Variants in DOCK6 observed in about 807,000 individuals in gnomAD.
The protein encoded by DOCK6 is dedicator of cytokinesis protein 6.
Under a neutral mutation model 230.3 loss-of-function variants are expected in DOCK6, and 167 were observed. The ratio of observed to expected loss-of-function variants is 0.73; its 90% CI spans 0.64 to 0.82. DOCK6 has a LOEUF of 0.82. Among genes scored for constraint, DOCK6 ranks in the 40% least tolerant of loss-of-function variants. The pLI, the probability that DOCK6 is intolerant of heterozygous loss-of-function variation, is 0.00. For missense variants in DOCK6, 2,598 were observed against 2,825.8 expected, an observed-to-expected ratio of 0.92 and a Z score of 1.83; for synonymous variants, 1,148 against 1,185.0, an observed-to-expected ratio of 0.97 and a Z score of 0.64.
chr19:11,246,945 G>A (rs971459600), intron 7 of DOCK6, among the ~76,000 whole-genome samples: 1 of 151,942 alleles, frequency 6.6e-6, no homozygotes, highest in African/African-American at 2.4e-5. Context: ...CCATGTACAC[G>A]TCCCCCTGCA....
Position 11,202,672 on chromosome 19 carries a change from C to T in DOCK6, c.5273G>A (p.Gly1758Asp). 1 of 1,613,990 alleles carries T rather than the reference C, an allele frequency of 6.2e-7. No individual in the cohort carries two copies. The highest frequency in any genetic ancestry group is 1.1e-5 in the South Asian group (1 of 91,082). Residue 1758 changes from glycine to aspartate, a missense_variant, in exon 42 of 48, where the codon GGC becomes GAC. Transcript: ENST00000294618. This position sits in a 1 kb window ranked among gnomAD's most constrained non-coding sequence, Gnocchi z 5.3. ...FGTYFRVGFY[G>D]AHFGDLDEQE... Reference sequence around the variant, plus strand: ...CTCATCCAGGTCACCGAAGTGGGCGCCGTAGAAGCCCACGCGGAAATACGT... The same window carrying T: ...CTCATCCAGGTCACCGAAGTGGGCGTCGTAGAAGCCCACGCGGAAATACGT...
Position 11,209,302 on chromosome 19 carries a change from G to A in DOCK6, c.4752-199C>T, listed in dbSNP as rs11878417. The stretch of plus-strand genomic sequence containing the variant: ...TATCTCCCCACCTGTCTTCCCCTTC[G>A]CCTATTTTCTTACCTGCTGGCCAGT... On this transcript the variant is annotated intron_variant, in intron 37 of 47. Transcript: ENST00000294618. Among the ~76,000 whole-genome samples, 83,074 of 149,080 alleles carry A rather than the reference G, an allele frequency of 0.56. 23,496 individuals carry two copies. The highest frequency in any genetic ancestry group is 0.65 in the East Asian group (3,259 of 4,984).
intron 9 of DOCK6, among the ~76,000 whole-genome samples, chr19:11,244,832 G>A (rs555152352): frequency 2.1e-3 from 322 of 151,918 alleles, no homozygotes; most frequent in African/African-American, 7.6e-3. Flanking sequence ...GGGCTAAAGC[G>A]ATCCTCCCGC....
Position 11,229,033 on chromosome 19 carries a change from C to T in DOCK6, c.2721G>A (p.Leu907=), listed in dbSNP as rs765696619. The T allele has an allele frequency of 3.1e-6, 5 of 1,613,252 alleles. No individual in the cohort carries two copies. In the South Asian group the frequency reaches 3.3e-5, roughly 11 times the overall value. ...ACTGCAGAGCCAGCTCCTCGTGAAG[C>T]AGCTGGGGACAGAGGCAGGGGTCAC... ...DEVSRILASK[L]LHEELALQWV... Residue 907 remains leucine (L), a splice_region_variant and synonymous_variant, in exon 23 of 48, where the codon CTG becomes CTA. Coordinates refer to ENST00000294618, the MANE Select transcript of DOCK6 (RefSeq NM_020812.4).
chr19:11,235,087 C>T (rs565010967), intron 21 of DOCK6, among the ~76,000 whole-genome samples: 22 of 152,166 alleles, frequency 1.4e-4, no homozygotes, highest in East Asian at 1.4e-3. Context: ...GGGCTACAGG[C>T]GTGCGCCACC....
At chr19:11,253,530 C>A in intron 2 of DOCK6, 109 bp downstream of exon 2, 1 of 703,000 alleles carries the variant, frequency 1.4e-6, no homozygotes, top group Non-Finnish European at 2.1e-6. Flanking sequence ...GGTTTCCCCC[C>A]AGGACAGGCC....
chr19:11,209,197 A>G, intron 37 of DOCK6, 94 bp from the exon 38 acceptor site: 1 of 1,442,590 alleles, frequency 6.9e-7, no homozygotes, highest in East Asian at 2.5e-5. Context: ...GGTTACCCCC[A>G]TGTCCGCCCC....
chr19:11,211,893 T>A lies in DOCK6; in HGVS notation c.4651-17A>T. ...GTCCTGGACCTGGAGCCGGGGAACG[T>A]CCAGGGGCCAATGAGAGCATTAGGA... On this transcript the variant is annotated splice_polypyrimidine_tract_variant and intron_variant, in intron 36 of 47. Transcript: ENST00000294618. The A allele has an allele frequency of 6.5e-7, 1 of 1,540,274 alleles. No individual in the cohort carries two copies. The highest frequency in any genetic ancestry group is 8.8e-7 in the Non-Finnish European group (1 of 1,140,408).
intron 24 of DOCK6, 125 bp downstream of exon 24, chr19:11,227,212 C>G: frequency 1.5e-6 from 2 of 1,314,814 alleles, no homozygotes; most frequent in Non-Finnish European, 1.0e-6. Context: ...ATGAACGGAT[C>G]CACCCAGCAA....
chr19:11,255,810 G>A (rs571860773), intron 1 of DOCK6, among the ~76,000 whole-genome samples: 2 of 151,628 alleles, frequency 1.3e-5, no homozygotes, highest in South Asian at 4.2e-4. Context: ...TTTTTGAGAC[G>A]GAGTCTCGAT....
intron 35 of DOCK6, among the ~76,000 whole-genome samples, chr19:11,212,713 C>T (rs2079411043): frequency 6.6e-6 from 1 of 151,416 alleles, no homozygotes; most frequent in South Asian, 2.1e-4. Context: ...CAGGCACCCG[C>T]CACCATGCCC....
At chr19:11,256,251 G>A (rs1352269604) in intron 1 of DOCK6, among the ~76,000 whole-genome samples, 1 of 152,172 alleles carries the variant, frequency 6.6e-6, no homozygotes, top group African/African-American at 2.4e-5. Flanking sequence ...AGGGGCTGGG[G>A]GATAATTTAC....
rs2304154 is a variant in DOCK6 at position 11,215,449 on chromosome 19, C to T, written c.4044G>A (p.Pro1348=). 934,548 of 1,609,714 alleles carry T rather than the reference C, an allele frequency of 0.58. 276,189 individuals are homozygous for T. Among genetic ancestry groups the T allele is most frequent in the Non-Finnish European group, 0.61 (718,755 of 1,177,520 alleles). ...RSRERSPFGN[P]ENVRWRKSVT... is the part of the protein sequence containing the mutation. ...CGCTCTTCCGCCAGCGCACATTCTC[C>T]GGATTCCCAAACGGGCTCCTCTCTG... Residue 1348 remains proline, a synonymous_variant, in exon 32 of 48, where the codon CCG becomes CCA. Coordinates refer to ENST00000294618, the MANE Select transcript of DOCK6 (RefSeq NM_020812.4).
chr19:11,240,050 A>AT (rs1344679403), intron 14 of DOCK6: 1 of 1,548,140 alleles, frequency 6.5e-7, no homozygotes, highest in African/African-American at 1.4e-5. Context: ...GGGATACAAG[A>AT]TTTTCAGCGA....
intron 7 of DOCK6, among the ~76,000 whole-genome samples, chr19:11,246,130 G>A (rs1201429038): frequency 2.0e-5 from 3 of 151,268 alleles, no homozygotes; most frequent in East Asian, 2.0e-4. Context: ...GGAGTGGTGC[G>A]ATCTCGGCTC....
rs143420913 is a variant in DOCK6, at chr19:11,260,824, A to T, written c.44+1573T>A. Among the ~76,000 whole-genome samples the T allele has an allele frequency of 2.5e-3, 330 of 132,180 alleles. 3 individuals carry two copies. The highest frequency in any genetic ancestry group is 8.5e-3 in the African/African-American group (312 of 36,884). 86.7% of individuals were successfully genotyped at this position (132,180 alleles called of 152,430 possible). On this transcript the variant is annotated intron_variant, in intron 1 of 47. Transcript: ENST00000294618. Reference sequence around the variant, plus strand: ...CTTGAACCCAGGAGGCGAAGGTTGCAGTGAGCCAAGATTGTGCCATTGCAC... The same window carrying T: ...CTTGAACCCAGGAGGCGAAGGTTGCTGTGAGCCAAGATTGTGCCATTGCAC...
Position 11,223,031 on chromosome 19 carries a change from C to T in DOCK6, c.3031G>A (p.Gly1011Ser). The change falls in exon 25 of 48, where the codon GGC becomes AGC. Residue 1011 changes from glycine to serine, a missense_variant. Transcript: ENST00000294618. Reference protein sequence around the residue: ...LSDLLSLVDRGFVFSLVRAHY... With the variant: ...LSDLLSLVDRSFVFSLVRAHY... ...GCCCGGACCAGGCTGAAGACAAAGC[C>T]CCGGTCCACCAGGGACAGAAGGTCA... 6.2e-7 allele frequency: 1 copy of T among 1,613,798 alleles called. No homozygotes were observed. Among genetic ancestry groups the T allele is most frequent in the Non-Finnish European group, 8.5e-7 (1 of 1,179,868 alleles).
At chr19:11,251,997 A>T in intron 5 of DOCK6, 122 bp downstream of exon 5, 1 of 1,418,644 alleles carries the variant, frequency 7.0e-7, no homozygotes, top group Non-Finnish European at 9.7e-7. Context: ...ACTCATGGGG[A>T]CTGATGCAAT....
At position 11,262,424 on chromosome 19, in the gene DOCK6, C is replaced by A; in HGVS notation, c.17G>T (p.Arg6Leu). 7.9e-7 allele frequency: 1 copy of A among 1,258,684 alleles called. No homozygotes were observed. Among genetic ancestry groups the A allele is most frequent in the East Asian group, 3.3e-5 (1 of 30,768 alleles). 78.0% of individuals were successfully genotyped at this position (1,258,684 alleles called of 1,614,324 possible). The change falls in exon 1 of 48, where the codon CGC becomes CTC. Residue 6 changes from arginine (R) to leucine (L), a missense_variant. Coordinates refer to ENST00000294618, the MANE Select transcript of DOCK6 (RefSeq NM_020812.4). ...GTTGATCTTGTGCGCGAAGGCGCGG[C>A]GCTCGGAGGCAGCCATGGTCCTCGC... MAASE[R>L]RAFAHKINRT...
Sources: allele counts gnomAD v4.1 joint callset (sites outside exome capture counted in the v4.1 genomes callset), GRCh38; gene constraint gnomAD v4.1.1; non-coding constraint Gnocchi (gnomAD v3.1); transcripts MANE v1.5; gene names NCBI Gene and HGNC (gene_info 2026-07-23, HGNC 2026-07-21).